Variants in TRPM3 observed in about 807,000 individuals in gnomAD.
TRPM3 encodes the protein transient receptor potential cation channel subfamily M member 3.
TRPM3 carries 77 observed loss-of-function variants against 181.2 expected under a neutral mutation model. The ratio of observed to expected loss-of-function variants is 0.42; its 90% CI spans 0.35 to 0.51. The LOEUF (loss-of-function observed/expected upper bound fraction) is 0.51. TRPM3 is among the 20% of genes least tolerant of loss of function. The pLI, the probability that TRPM3 is intolerant of heterozygous loss-of-function variation, is 0.01. For synonymous variants in TRPM3, 745 were observed against 796.4 expected (o/e 0.94, Z 1.09); for missense variants, 1,759 against 2,196.7 (o/e 0.80, Z 3.98).
chr9:71,232,749 C>T (rs11142745), intron 1 of TRPM3, among the ~76,000 whole-genome samples: 41,959 of 151,868 alleles, frequency 0.28, 6,218 homozygotes, highest in East Asian at 0.36. Flanking sequence ...TCTGCCGCCT[C>T]GGCCTCCCAA....
intron 12 of TRPM3, among the ~76,000 whole-genome samples, chr9:70,630,341 G>A (rs1001498773): frequency 2.0e-5 from 3 of 152,184 alleles, no homozygotes; most frequent in Non-Finnish European, 2.9e-5. Flanking sequence ...ACTCCTTTCG[G>A]CCCACTGGCC....
chr9:71,444,667 G>A (rs1308731286), intron 1 of TRPM3, among the ~76,000 whole-genome samples: 1 of 152,150 alleles, frequency 6.6e-6, no homozygotes, highest in Non-Finnish European at 1.5e-5. Context: ...TTATAAGCAT[G>A]TCTGCTATAA....
intron 1 of TRPM3, among the ~76,000 whole-genome samples, chr9:70,896,401 CAT>C (rs2096279090): frequency 6.6e-6 from 1 of 152,142 alleles, no homozygotes; most frequent in Non-Finnish European, 1.5e-5. Flanking sequence ...CTCTTGAAAA[CAT>C]ATTGGGATCT....
At chr9:71,294,582 T>A (rs1246811973) in intron 1 of TRPM3, among the ~76,000 whole-genome samples, 2 of 151,946 alleles carry the variant, frequency 1.3e-5, no homozygotes, top group Non-Finnish European at 1.5e-5. Context: ...TATAGTAGAG[T>A]TGAATATGAG....
chr9:71,019,720 A>G (rs1464608401), intron 1 of TRPM3, among the ~76,000 whole-genome samples: 1 of 152,180 alleles, frequency 6.6e-6, no homozygotes, highest in Non-Finnish European at 1.5e-5. Context: ...CAAATTGGCA[A>G]TCTGATTCTA....
chr9:71,438,753 A>T (rs1052598855), intron 1 of TRPM3, among the ~76,000 whole-genome samples: 2 of 152,226 alleles, frequency 1.3e-5, no homozygotes, highest in Non-Finnish European at 2.9e-5. Flanking sequence ...TTGCTTACAA[A>T]TAATCTAGTG....
In TRPM3 at chr9:71,253,982, C is replaced by T. The variant is rs576361526; in HGVS notation, c.183+192671G>A. Among the ~76,000 whole-genome samples, 7 of 152,168 alleles carry T rather than the reference C, an allele frequency of 4.6e-5. No homozygotes were observed. In the East Asian group the frequency reaches 7.7e-4, roughly 17 times the overall value. ...GTTACCAGGCTGGAGTGCAGTGGTG[C>T]GATCTTGGCTCACTGCAACCTCCAC... On this transcript the variant is annotated intron_variant, in intron 1 of 24. Coordinates refer to the TRPM3 transcript ENST00000357533.
At chr9:71,040,560 A>T (rs939346496) in intron 1 of TRPM3, among the ~76,000 whole-genome samples, 15 of 152,340 alleles carry the variant, frequency 9.8e-5, no homozygotes, top group African/African-American at 3.6e-4. Context: ...GATTAGAATT[A>T]AAAACATCAG....
At chr9:71,020,834 A>G (rs1317149922) in intron 1 of TRPM3, among the ~76,000 whole-genome samples, 1 of 152,198 alleles carries the variant, frequency 6.6e-6, no homozygotes, top group Non-Finnish European at 1.5e-5. Context: ...AAACTTGAAA[A>G]TTCTCATAGT....
At chr9:71,445,622 GATTA>G (rs1021665878) in intron 1 of TRPM3, among the ~76,000 whole-genome samples, 1 of 152,136 alleles carries the variant, frequency 6.6e-6, no homozygotes, top group African/African-American at 2.4e-5. Context: ...ACTTTTCAGG[GATTA>G]ATTTTTATCC....
intron 1 of TRPM3, among the ~76,000 whole-genome samples, chr9:71,255,936 A>T (rs1315927579): frequency 1.3e-5 from 2 of 152,206 alleles, no homozygotes; most frequent in African/African-American, 4.8e-5. Flanking sequence ...AATGATCTAC[A>T]GCCAACCAAG....
At chr9:70,894,858 T>G (rs552252966) in intron 1 of TRPM3, among the ~76,000 whole-genome samples, 11 of 152,322 alleles carry the variant, frequency 7.2e-5, no homozygotes, top group African/African-American at 2.4e-4. Flanking sequence ...AGTGTCACGC[T>G]GATTCTAACA....
chr9:70,682,196 T>G (rs189795370), intron 8 of TRPM3, among the ~76,000 whole-genome samples: 1 of 152,304 alleles, frequency 6.6e-6, no homozygotes, highest in Admixed American at 6.5e-5. Context: ...TTGGGGCCCT[T>G]GCTATGAGTC....
chr9:71,157,651 G>A (rs1276791548), intron 1 of TRPM3, among the ~76,000 whole-genome samples: 2 of 152,066 alleles, frequency 1.3e-5, no homozygotes, highest in South Asian at 2.1e-4. Flanking sequence ...CCAAAATTCA[G>A]TTATTAGCTG....
rs566210746 is a variant in TRPM3 at position 70,828,450 on chromosome 9, G to C, written c.802-432C>G. Among the ~76,000 whole-genome samples the C allele has an allele frequency of 2.0e-5, 3 of 152,202 alleles. No individual in the cohort carries two copies. The East Asian group carries it at 5.8e-4, about 29-fold the overall frequency. On this transcript the variant is annotated intron_variant, in intron 5 of 25. Transcript: ENST00000677713. ...TTATAATTCTGGAGATGGTGGCGGG[G>C]AGCTAGGAGAAATGTGATTCTTTCT...
chr9:71,153,171 G>C (rs1478596779), intron 1 of TRPM3, among the ~76,000 whole-genome samples: 1 of 152,070 alleles, frequency 6.6e-6, no homozygotes, highest in Non-Finnish European at 1.5e-5. Context: ...GGTAATATCA[G>C]TAACAGTACT....
intron 1 of TRPM3, among the ~76,000 whole-genome samples, chr9:70,911,303 T>C (rs970089326): frequency 6.6e-6 from 1 of 152,176 alleles, no homozygotes; most frequent in Non-Finnish European, 1.5e-5. Context: ...TTGGTCTACA[T>C]TACAAAAGGC....
chr9:71,420,975 AAGAGAGAGAAAAAG>A (rs1563912375), intron 1 of TRPM3, among the ~76,000 whole-genome samples: 29 of 126,704 alleles, frequency 2.3e-4, no homozygotes, highest in South Asian at 1.2e-3. Flanking sequence ...GGGAGAGAAA[AAGAGAGAGAAAAAG>A]AGAGAGAAAA....
At chr9:70,756,133 C>CAAACA (rs774517376) in intron 8 of TRPM3, among the ~76,000 whole-genome samples, 8 of 151,056 alleles carry the variant, frequency 5.3e-5, no homozygotes, top group Non-Finnish European at 8.9e-5. Context: ...AAATGGAAAG[C>CAAACA]AAACAAAACA....
Sources: allele counts gnomAD v4.1 joint callset (sites outside exome capture counted in the v4.1 genomes callset), GRCh38; gene constraint gnomAD v4.1.1; transcripts MANE v1.5; gene names NCBI Gene and HGNC (gene_info 2026-07-23, HGNC 2026-07-21).